The following FBXO47 variants were observed in gnomAD, a reference collection of about 807,000 sequenced individuals.
FBXO47 encodes the protein F-box only protein 47.
Under a neutral mutation model 53.9 loss-of-function variants are expected in FBXO47, and 34 were observed. The ratio of observed to expected loss-of-function variants is 0.63; its 90% confidence interval spans 0.48 to 0.84. The LOEUF is 0.84. FBXO47 is among the 40% of genes least tolerant of loss of function. The probability of loss-of-function intolerance (pLI) is 0.00; values close to 1 mark genes in which losing one functional copy is unlikely to be tolerated. For synonymous variants in FBXO47, 165 were observed against 181.6 expected (o/e 0.91, Z 0.73); for missense variants, 485 against 541.3 (o/e 0.90, Z 1.03).
intron 9 of FBXO47, among the ~76,000 whole-genome samples, chr17:38,941,902 G>A (rs1249377261): frequency 6.6e-6 from 1 of 151,546 alleles, no homozygotes. Flanking sequence ...TGAACTCCTG[G>A]ACTCAAGTGA....
intron 5 of FBXO47, among the ~76,000 whole-genome samples, chr17:38,953,160 C>G (rs1905387101): frequency 6.8e-6 from 1 of 147,982 alleles, no homozygotes; most frequent in Non-Finnish European, 1.5e-5. Flanking sequence ...CACACACACA[C>G]ACACACAAAA....
chr17:38,958,125 G>A (rs556671115), intron 3 of FBXO47, among the ~76,000 whole-genome samples: 2 of 152,054 alleles, frequency 1.3e-5, no homozygotes, highest in African/African-American at 4.8e-5. Flanking sequence ...CACCATGCCC[G>A]GCCCAAGCCC....
intron 6 of FBXO47, among the ~76,000 whole-genome samples, chr17:38,950,544 C>T (rs1288540403): frequency 6.6e-6 from 1 of 150,774 alleles, no homozygotes; most frequent in Non-Finnish European, 1.5e-5. Context: ...AAGTAATCCT[C>T]CCACTTCGGC....
At position 38,942,912 on chromosome 17, in the gene FBXO47, G is replaced by C. The variant is rs748647479; in HGVS notation, c.949C>G (p.Arg317Gly). ...GCATTATTCTCTAGAAGCCACTCACGGGGAACCACTTTTATTAGAGGAAGA... is the reference window on the plus strand; with the variant it reads ...GCATTATTCTCTAGAAGCCACTCACCGGGAACCACTTTTATTAGAGGAAGA... ...SLVDELSVVP[R>G]EWLLENNARL... Residue 317 changes from arginine to glycine, a missense_variant, in exon 9 of 11, where the codon CGT becomes GGT. Transcript: ENST00000378079. The C allele has an allele frequency of 6.2e-6, 10 of 1,603,986 alleles. No homozygotes were observed. The Middle Eastern group carries it at 5.0e-4, about 80-fold the overall frequency.
In FBXO47 at chr17:38,943,624, T is replaced by C. The variant is rs752209728; in HGVS notation, c.906A>G (p.Ala302=). Reference sequence around the variant, plus strand: ...CATCTACAAGACTGATAACATCATCTGCTGTCCACTCTTTAGTGCTAGCGT... The same window carrying C: ...CATCTACAAGACTGATAACATCATCCGCTGTCCACTCTTTAGTGCTAGCGT... ...LYDASTKEWT[A]DDVISLVDEL... Residue 302 remains alanine, a synonymous_variant, in exon 8 of 11, where the codon GCA becomes GCG. Coordinates refer to ENST00000378079, the MANE Select transcript of FBXO47 (RefSeq NM_001008777.3). 2.5e-5 allele frequency: 40 copies of C among 1,603,382 alleles called. No individual in the cohort carries two copies. Among genetic ancestry groups the C allele is most frequent in the Non-Finnish European group, 2.9e-5 (34 of 1,175,584 alleles).
chr17:38,951,827 T>C, intron 5 of FBXO47, 138 bp from the exon 6 acceptor site: 1 of 581,400 alleles, frequency 1.7e-6, no homozygotes, highest in Non-Finnish European at 3.1e-6. Flanking sequence ...AGTCAGGAGT[T>C]TGAGACCAGC....
At chr17:38,950,581 TGA>T (rs1057244311) in intron 6 of FBXO47, among the ~76,000 whole-genome samples, 3 of 151,662 alleles carry the variant, frequency 2.0e-5, no homozygotes, top group Admixed American at 6.6e-5. Flanking sequence ...ATTACAAGCA[TGA>T]GCCACTGCCC....
At position 38,952,312 on chromosome 17, in the gene FBXO47, ACT is replaced by A. The variant is rs1239007134; in HGVS notation, c.508-625_508-624del. ...ACTCCAACCTGGGCAACAGACAGAA[ACT>A]CTGTCTCAAAAACAAAACAAAACAA... is the stretch of plus-strand genomic sequence containing the variant. On this transcript the variant is annotated intron_variant, in intron 5 of 10. Coordinates refer to ENST00000378079, the MANE Select transcript of FBXO47 (RefSeq NM_001008777.3). Among the ~76,000 whole-genome samples, 4 of 152,156 alleles carry A rather than the reference ACT, an allele frequency of 2.6e-5. No homozygotes were observed. In the East Asian group the frequency reaches 5.8e-4, roughly 22 times the overall value.
chr17:38,939,327 T>A (rs866203747), intron 9 of FBXO47, among the ~76,000 whole-genome samples: 1,047 of 96,944 alleles, frequency 0.011, 3 homozygotes, highest in Non-Finnish European at 0.013. Flanking sequence ...AAAAAAAATA[T>A]ATATATATAT....
chr17:38,938,488 C>A, intron 10 of FBXO47, 85 bp downstream of exon 10: 4 of 873,960 alleles, frequency 4.6e-6, no homozygotes, highest in African/African-American at 1.7e-5. Flanking sequence ...CATTCTTGGA[C>A]TGTTAGAGAA....
chr17:38,937,710 C>T (rs1915614541), intron 10 of FBXO47, among the ~76,000 whole-genome samples: 2 of 150,854 alleles, frequency 1.3e-5, no homozygotes, highest in South Asian at 2.1e-4. Context: ...CTGTGTCGCC[C>T]AGGCTGGAGT....
chr17:38,957,698 CTTTTTT>C (rs67243641), intron 3 of FBXO47, among the ~76,000 whole-genome samples: 1 of 132,866 alleles, frequency 7.5e-6, no homozygotes. Context: ...ACTGATTTTT[CTTTTTT>C]TTTTTTTTTT....
rs918533968 is a variant in FBXO47 at position 38,960,204 on chromosome 17, C to G, written c.352+1673G>C. Among the ~76,000 whole-genome samples the G allele has an allele frequency of 2.0e-5, 3 of 151,604 alleles. No homozygotes were observed. In the East Asian group the frequency reaches 5.9e-4, roughly 30 times the overall value. On this transcript the variant is annotated intron_variant, in intron 3 of 10. Transcript: ENST00000378079. ...GTTTCAGATACTCAGGAGGCTGAGG[C>G]AGGAGGATCGATTGTGCCCAGGAGT...
intron 6 of FBXO47, among the ~76,000 whole-genome samples, chr17:38,945,891 G>A (rs1283100428): frequency 2.8e-5 from 4 of 142,206 alleles, no homozygotes; most frequent in South Asian, 4.3e-4. Flanking sequence ...AGCCAAGATC[G>A]TGCCACTGCA....
At chr17:38,961,801 T>C in intron 3 of FBXO47, 76 bp downstream of exon 3, 1 of 1,319,964 alleles carries the variant, frequency 7.6e-7, no homozygotes, top group Non-Finnish European at 1.1e-6. Context: ...CCTACTGGCC[T>C]TACAGAATTG....
In FBXO47 at chr17:38,942,885, G is replaced by A. The variant is rs1278870773; in HGVS notation, c.976C>T (p.Arg326Cys). 5 of 1,612,310 alleles carry A rather than the reference G, an allele frequency of 3.1e-6. No individual in the cohort carries two copies. Among genetic ancestry groups the A allele is most frequent in the East Asian group, 2.2e-5 (1 of 44,852 alleles). The change falls in exon 9 of 11, where the codon CGT (arginine) becomes TGT (cysteine). Residue 326 changes from arginine to cysteine, a missense_variant. By Grantham distance (180) the Arg-to-Cys change is radical. Transcript: ENST00000378079. ...TTGTTTCCACTTAGCATTAGGAGAC[G>A]TGCATTATTCTCTAGAAGCCACTCA... ...PREWLLENNARLLMLSGNNIC... is the reference protein window; with the variant it reads ...PREWLLENNACLLMLSGNNIC...
At position 38,945,151 on chromosome 17, in the gene FBXO47, G is replaced by T. The variant is rs1904697232; in HGVS notation, c.617-15C>A. 1.3e-6 allele frequency: 2 copies of T among 1,582,004 alleles called. No homozygotes were observed. The highest frequency in any genetic ancestry group is 1.3e-5 in the African/African-American group (1 of 74,248). ...TTGGGCACTTCCTATGAAGACAAAA[G>T]AATTGTAAATCATTCTTCGTAGAAA... On this transcript the variant is annotated splice_polypyrimidine_tract_variant and intron_variant, in intron 6 of 10. Coordinates refer to ENST00000378079, the MANE Select transcript of FBXO47 (RefSeq NM_001008777.3).
chr17:38,941,620 T>TTA (rs3040090), intron 9 of FBXO47, among the ~76,000 whole-genome samples: 15,853 of 114,912 alleles, frequency 0.14, 1,108 homozygotes, highest in Middle Eastern at 0.16. Context: ...AAATATAATA[T>TTA]TATATATATA....
At chr17:38,965,356 T>G (rs538540991) in intron 1 of FBXO47, among the ~76,000 whole-genome samples, 2 of 152,234 alleles carry the variant, frequency 1.3e-5, no homozygotes. Flanking sequence ...ATGCATTTTC[T>G]CCTTTCTACA....
Sources: gnomAD v4.1 joint callset for allele counts (sites outside exome capture counted in the v4.1 genomes callset) on GRCh38, gnomAD v4.1.1 for gene constraint, MANE v1.5 for transcripts, NCBI Gene and HGNC (gene_info 2026-07-23, HGNC 2026-07-21) for gene names.